Variants in SMARCA2 observed in about 807,000 individuals in gnomAD.
SMARCA2 encodes the protein SWI/SNF-related matrix-associated actin-dependent regulator of chromatin subfamily A member 2.
SMARCA2 carries 61 observed loss-of-function variants against 199.8 expected under a neutral mutation model. The observed-to-expected ratio is 0.31, with a 90% CI of 0.25 to 0.38. SMARCA2 has a LOEUF of 0.38. Among genes scored for constraint, SMARCA2 ranks in the 10% least tolerant of loss-of-function variants. The pLI is 1.00. For synonymous variants in SMARCA2, 935 were observed against 732.0 expected (o/e 1.28, Z -4.48); for missense variants, 1,344 against 2,012.2 (o/e 0.67, Z 6.35).
intron 1 of SMARCA2, among the ~76,000 whole-genome samples, chr9:2,015,715 C>G (rs1818325140): frequency 6.6e-6 from 1 of 152,170 alleles, no homozygotes; most frequent in Non-Finnish European, 1.5e-5. Context: ...GTAATAATTA[C>G]TACTTCAAGG....
At chr9:2,105,059 C>T (rs546160760) in intron 23 of SMARCA2, among the ~76,000 whole-genome samples, 5 of 152,158 alleles carry the variant, frequency 3.3e-5, no homozygotes, top group Non-Finnish European at 7.4e-5. Context: ...ACTTTATTTT[C>T]AATCCAACAT....
At chr9:2,048,872 A>G (rs961634329) in intron 5 of SMARCA2, among the ~76,000 whole-genome samples, 2 of 152,326 alleles carry the variant, frequency 1.3e-5, no homozygotes, top group Non-Finnish European at 2.9e-5. Flanking sequence ...ATATTCCTCT[A>G]TTCATGTGCA....
intron 17 of SMARCA2, among the ~76,000 whole-genome samples, chr9:2,085,435 A>G (rs142906637): frequency 2.6e-5 from 4 of 152,356 alleles, no homozygotes; most frequent in African/African-American, 9.6e-5. Context: ...AATTAGTAGT[A>G]GACCCCATAG....
At chr9:2,111,507 AAAAG>A (rs1373362325) in intron 24 of SMARCA2, among the ~76,000 whole-genome samples, 9 of 150,382 alleles carry the variant, frequency 6.0e-5, no homozygotes, top group African/African-American at 1.7e-4. Context: ...AAAAAAAAAA[AAAAG>A]AAAAGCAAAA....
At chr9:2,100,100 G>C (rs1586704397) in intron 21 of SMARCA2, among the ~76,000 whole-genome samples, 2 of 152,228 alleles carry the variant, frequency 1.3e-5, no homozygotes, top group Admixed American at 1.3e-4. Context: ...AGGGATCCAG[G>C]GAGGAGGGAA....
chr9:2,073,177 C>G, intron 10 of SMARCA2, 35 bp from the exon 11 acceptor site: 1 of 1,612,930 alleles, frequency 6.2e-7, no homozygotes, highest in Non-Finnish European at 8.5e-7. Flanking sequence ...AAGGTCTTAA[C>G]ATGAAACCGT....
At chr9:2,067,480 G>A (rs542845164) in intron 9 of SMARCA2, among the ~76,000 whole-genome samples, 3 of 152,286 alleles carry the variant, frequency 2.0e-5, no homozygotes, top group South Asian at 4.1e-4. Flanking sequence ...TCGGACTATC[G>A]TTGACCCTTG....
Position 2,123,020 on chromosome 9 carries a change from G to A in SMARCA2, c.3763-699G>A, listed in dbSNP as rs1823533589. ...ATCCATTTCACTTACAACTAGATCA[G>A]TTGGGATGCGATTACCTCTGAGCTC... On this transcript the variant is annotated intron_variant, in intron 26 of 33. Coordinates refer to ENST00000349721, the MANE Select transcript of SMARCA2 (RefSeq NM_003070.5). This position sits in a 1 kb window ranked among gnomAD's most constrained non-coding sequence, Gnocchi z 4.1. Among the ~76,000 whole-genome samples, 1 of 152,190 alleles carries A rather than the reference G, an allele frequency of 6.6e-6. No homozygotes were observed. The highest frequency in any genetic ancestry group is 1.5e-5 in the Non-Finnish European group (1 of 68,028).
chr9:2,114,649 C>T (rs909645615), intron 24 of SMARCA2, among the ~76,000 whole-genome samples: 5 of 152,104 alleles, frequency 3.3e-5, no homozygotes, highest in African/African-American at 7.2e-5. Flanking sequence ...GTTTTTATTA[C>T]GTAGCTATAA....
chr9:2,149,482 T>G lies in SMARCA2; in HGVS notation c.3982-12204T>G, dbSNP rs533071612. Among the ~76,000 whole-genome samples the G allele has an allele frequency of 1.1e-4, 16 of 151,630 alleles. No individual in the cohort carries two copies. In the South Asian group the frequency reaches 3.1e-3, roughly 30 times the overall value. Reference sequence around the variant, plus strand: ...TTGCAGTGAGCCACGAACATGCCATTGCACTCCAGCCTGGGCGACAGAGTG... The same window carrying G: ...TTGCAGTGAGCCACGAACATGCCATGGCACTCCAGCCTGGGCGACAGAGTG... On this transcript the variant is annotated intron_variant, in intron 27 of 33. Transcript: ENST00000349721.
intron 29 of SMARCA2, among the ~76,000 whole-genome samples, chr9:2,176,440 C>T (rs540699786): frequency 2.6e-5 from 4 of 152,166 alleles, no homozygotes; most frequent in Admixed American, 6.5e-5. Flanking sequence ...AGTCTTGGTG[C>T]CTTTCTTATT....
At chr9:2,031,272 G>A (rs1819058986) in intron 2 of SMARCA2, among the ~76,000 whole-genome samples, 1 of 152,044 alleles carries the variant, frequency 6.6e-6, no homozygotes, top group African/African-American at 2.4e-5. Flanking sequence ...AAATAAAGCT[G>A]CTCGTTTTCC....
At chr9:2,159,692 G>A (rs1257559248) in intron 27 of SMARCA2, 1 of 1,284,578 alleles carries the variant, frequency 7.8e-7, no homozygotes, top group Non-Finnish European at 1.1e-6. Flanking sequence ...CCTTGTAGTA[G>A]GTAGCATGAA....
chr9:2,058,458 A>G lies in SMARCA2; in HGVS notation c.1515A>G (p.Arg505=). ...GGATTGAAAAGGAGAGAATGCGGCG[A>G]CTGATGGTAAGGAACTCCCTGCAGG... ...TERIEKERMR[R]LMAEDEEGYR... Residue 505 remains arginine, a synonymous_variant, in exon 8 of 34, where the codon CGA becomes CGG. Coordinates refer to ENST00000349721, the MANE Select transcript of SMARCA2 (RefSeq NM_003070.5). 2 of 1,613,972 alleles carry G rather than the reference A, an allele frequency of 1.2e-6. No homozygotes were observed. The highest frequency in any genetic ancestry group is 1.7e-6 in the Non-Finnish European group (2 of 1,179,942).
chr9:2,035,969 A>C (rs1294590699), intron 3 of SMARCA2, among the ~76,000 whole-genome samples: 1 of 152,214 alleles, frequency 6.6e-6, no homozygotes, highest in Non-Finnish European at 1.5e-5. Context: ...ATATAAAAAC[A>C]CAGGAACAGA....
At position 2,160,208 on chromosome 9, in the gene SMARCA2, A is replaced by C. The variant is rs576620675; in HGVS notation, c.3982-1478A>C. On this transcript the variant is annotated intron_variant, in intron 27 of 33. Coordinates refer to ENST00000349721, the MANE Select transcript of SMARCA2 (RefSeq NM_003070.5). ...AAATGAATATTAATGCAATAATGTG[A>C]AGCTTTTTTTTTTTTTTTCCTTTTC... 102 of 392,230 alleles carry C rather than the reference A, an allele frequency of 2.6e-4. 1 individual carries two copies. In the South Asian group the frequency reaches 5.1e-3, roughly 20 times the overall value. 24.3% of individuals were successfully genotyped at this position (392,230 alleles called of 1,614,324 possible).
chr9:2,097,329 G>T, intron 20 of SMARCA2, 56 bp from the exon 21 acceptor site: 1 of 1,156,514 alleles, frequency 8.6e-7, no homozygotes. Flanking sequence ...TGAAGGATCT[G>T]AAATGTCTGA....
chr9:2,072,828 G>A (rs1013283514), intron 10 of SMARCA2, among the ~76,000 whole-genome samples: 4 of 152,216 alleles, frequency 2.6e-5, no homozygotes, highest in Non-Finnish European at 5.9e-5. Context: ...GTGAGGACAG[G>A]CTGTGGCTGG....
chr9:2,116,369 T>C (rs1293418369), intron 25 of SMARCA2, among the ~76,000 whole-genome samples: 4 of 152,190 alleles, frequency 2.6e-5, no homozygotes, highest in Admixed American at 1.3e-4. Context: ...GAGGATACTT[T>C]AGGGACAAAA....
Sources: gnomAD v4.1 joint callset for allele counts (sites outside exome capture counted in the v4.1 genomes callset) on GRCh38, gnomAD v4.1.1 for gene constraint, Gnocchi (gnomAD v3.1) non-coding constraint, MANE v1.5 for transcripts, NCBI Gene and HGNC (gene_info 2026-07-23, HGNC 2026-07-21) for gene names.